CDH8: variants seen among roughly 807,000 people sequenced by gnomAD.
CDH8 encodes the protein cadherin 8.
CDH8 carries 17 observed loss-of-function variants against 68.1 expected under a neutral mutation model. That is an observed-to-expected ratio of 0.25 (90% CI 0.17 to 0.37). The LOEUF (loss-of-function observed/expected upper bound fraction) is 0.37, where lower values mean the gene tolerates loss of function less well. Ranked by LOEUF, CDH8 falls within the 10% of genes least tolerant of loss-of-function variation. The pLI is 1.00. For synonymous variants in CDH8, 372 were observed against 365.1 expected, an observed-to-expected ratio of 1.02 and a Z score of -0.21; for missense variants, 763 against 999.3, an observed-to-expected ratio of 0.76 and a Z score of 3.19.
chr16:61,812,610 G>T (rs1961977512), intron 7 of CDH8, among the ~76,000 whole-genome samples: 1 of 152,172 alleles, frequency 6.6e-6, no homozygotes, highest in Admixed American at 6.5e-5. Flanking sequence ...GCCCACAGCA[G>T]ATTTACATGA....
intron 3 of CDH8, among the ~76,000 whole-genome samples, chr16:61,862,082 G>C (rs2143018254): frequency 6.6e-6 from 1 of 151,562 alleles, no homozygotes; most frequent in African/African-American, 2.4e-5. Context: ...CGCTTAGAAA[G>C]AAAGTGATTT....
chr16:61,735,280 T>G (rs565613203), intron 8 of CDH8, among the ~76,000 whole-genome samples: 4 of 152,230 alleles, frequency 2.6e-5, no homozygotes, highest in South Asian at 2.1e-4. Flanking sequence ...TTCAGTCCAC[T>G]AAATTATCTC....
intron 8 of CDH8, among the ~76,000 whole-genome samples, chr16:61,783,841 T>A (rs1961156072): frequency 6.6e-6 from 1 of 152,070 alleles, no homozygotes; most frequent in Non-Finnish European, 1.5e-5. Flanking sequence ...AAACTAAGCT[T>A]CATAAGTGAA....
intron 10 of CDH8, among the ~76,000 whole-genome samples, chr16:61,691,087 C>T (rs911999897): frequency 3.9e-5 from 6 of 152,066 alleles, no homozygotes; most frequent in African/African-American, 1.4e-4. Flanking sequence ...TTTTCCCTTA[C>T]CTAGATAAAT....
At chr16:61,755,027 T>A (rs1274017719) in intron 8 of CDH8, among the ~76,000 whole-genome samples, 1 of 152,188 alleles carries the variant, frequency 6.6e-6, no homozygotes, top group African/African-American at 2.4e-5. Context: ...CAGTATTTAG[T>A]TTTCCAAGAG....
In CDH8 at chr16:61,841,988, C is replaced by T. The variant is rs138052537; in HGVS notation, c.667+15131G>A. ...CTGCAAGCTCTGCCTCCCAGGTTCACGCCATTCTCCTGCCTCAGCCTCCTG... is the reference window on the plus strand; with the variant it reads ...CTGCAAGCTCTGCCTCCCAGGTTCATGCCATTCTCCTGCCTCAGCCTCCTG... On this transcript the variant is annotated intron_variant, in intron 4 of 11. Transcript: ENST00000577390. 2.4e-3 allele frequency among the ~76,000 whole-genome samples: 370 copies of T among 151,918 alleles called. 13 individuals carry two copies. The East Asian group carries it at 0.057, about 24-fold the overall frequency.
At chr16:61,928,248 A>G (rs1964486728) in intron 2 of CDH8, among the ~76,000 whole-genome samples, 2 of 152,224 alleles carry the variant, frequency 1.3e-5, no homozygotes, top group African/African-American at 4.8e-5. Context: ...TTTGATTTGT[A>G]CTACTCATCA....
At chr16:61,782,585 C>A (rs1293292540) in intron 8 of CDH8, among the ~76,000 whole-genome samples, 2 of 149,818 alleles carry the variant, frequency 1.3e-5, no homozygotes, top group Non-Finnish European at 3.0e-5. Flanking sequence ...GTGGAGCCCA[C>A]CACAGCTCAA....
At chr16:61,804,216 C>A (rs1202937074) in intron 7 of CDH8, among the ~76,000 whole-genome samples, 1 of 151,236 alleles carries the variant, frequency 6.6e-6, no homozygotes, top group African/African-American at 2.5e-5. Context: ...TCCTGAATGA[C>A]TACTGGGTAC....
At chr16:61,996,530 A>C (rs1016065012) in intron 2 of CDH8, among the ~76,000 whole-genome samples, 1 of 152,224 alleles carries the variant, frequency 6.6e-6, no homozygotes, top group Non-Finnish European at 1.5e-5. Flanking sequence ...TTGACATTCC[A>C]TAAAGCTACG....
chr16:61,685,070 G>C (rs1964081965), intron 10 of CDH8, among the ~76,000 whole-genome samples: 1 of 150,816 alleles, frequency 6.6e-6, no homozygotes, highest in South Asian at 2.1e-4. Context: ...TTCTTGTTTT[G>C]AACATTCAAC....
intron 1 of CDH8, among the ~76,000 whole-genome samples, chr16:62,034,001 A>G (rs1050167310): frequency 6.6e-6 from 1 of 152,124 alleles, no homozygotes; most frequent in Non-Finnish European, 1.5e-5. Flanking sequence ...AATAAGGGGG[A>G]TAGCTCTAGA....
chr16:61,899,697 G>A (rs1963932951), intron 3 of CDH8, among the ~76,000 whole-genome samples: 1 of 152,080 alleles, frequency 6.6e-6, no homozygotes, highest in Non-Finnish European at 1.5e-5. Context: ...AAGTCAAGGA[G>A]AACAACTAGG....
intron 9 of CDH8, among the ~76,000 whole-genome samples, chr16:61,718,954 A>G (rs144881910): frequency 4.0e-5 from 6 of 151,034 alleles, no homozygotes; most frequent in African/African-American, 1.5e-4. Flanking sequence ...AAATTTTATC[A>G]AAATCTACAC....
chr16:61,822,442 A>G (rs568281672), intron 5 of CDH8, among the ~76,000 whole-genome samples: 1 of 151,644 alleles, frequency 6.6e-6, no homozygotes, highest in South Asian at 2.1e-4. Context: ...AAAACCCAAA[A>G]GGAAAAATCA....
intron 10 of CDH8, among the ~76,000 whole-genome samples, chr16:61,683,102 T>C (rs1964043002): frequency 6.6e-6 from 1 of 152,000 alleles, no homozygotes; most frequent in Non-Finnish European, 1.5e-5. Flanking sequence ...AAAGCACTTT[T>C]TCTACTTTTA....
intron 10 of CDH8, among the ~76,000 whole-genome samples, chr16:61,699,517 G>A (rs1402693152): frequency 1.3e-5 from 2 of 152,046 alleles, no homozygotes; most frequent in African/African-American, 2.4e-5. Flanking sequence ...AACTTCAGTG[G>A]AGCGTTGATC....
At chr16:61,696,063 A>C (rs2142840485) in intron 10 of CDH8, among the ~76,000 whole-genome samples, 1 of 152,316 alleles carries the variant, frequency 6.6e-6, no homozygotes, top group Non-Finnish European at 1.5e-5. Context: ...ATTGCAATGT[A>C]ATGCAATGTA....
At chr16:61,858,383 G>A (rs1963088664) in intron 3 of CDH8, among the ~76,000 whole-genome samples, 1 of 152,178 alleles carries the variant, frequency 6.6e-6, no homozygotes, top group Admixed American at 6.5e-5. Flanking sequence ...GAAGTTCTGG[G>A]AACTCCTGAA....
Sources: allele counts gnomAD v4.1 joint callset (sites outside exome capture counted in the v4.1 genomes callset), GRCh38; gene constraint gnomAD v4.1.1; transcripts MANE v1.5; gene names NCBI Gene and HGNC (gene_info 2026-07-23, HGNC 2026-07-21).